Variants in NOS1 observed in about 807,000 individuals in gnomAD.
The protein encoded by NOS1 is NOS type I.
A neutral mutation model predicts 164.5 loss-of-function variants in NOS1; 51 were observed. That is an observed-to-expected ratio of 0.31 (90% CI 0.25 to 0.39). The LOEUF (loss-of-function observed/expected upper bound fraction) is 0.39. NOS1 is among the 10% of genes least tolerant of loss of function. The probability of loss-of-function intolerance (pLI) is 1.00; values close to 1 mark genes in which losing one functional copy is unlikely to be tolerated. For synonymous variants in NOS1, 719 were observed against 745.8 expected, an observed-to-expected ratio of 0.96 and a Z score of 0.59; for missense variants, 1,362 against 1,885.6, an observed-to-expected ratio of 0.72 and a Z score of 5.14.
At chr12:117,237,076 G>A (rs1165496391) in intron 20 of NOS1, among the ~76,000 whole-genome samples, 3 of 152,234 alleles carry the variant, frequency 2.0e-5, no homozygotes, top group Admixed American at 6.5e-5. Flanking sequence ...CCCTCTGGGC[G>A]ATAGCACTGG....
At chr12:117,300,379 G>C (rs1377207579) in intron 3 of NOS1, among the ~76,000 whole-genome samples, 2 of 152,176 alleles carry the variant, frequency 1.3e-5, no homozygotes, top group African/African-American at 2.4e-5. Context: ...CAAACAGTTA[G>C]CAAAATATGT....
At chr12:117,338,140 C>T (rs1875925454) in intron 1 of NOS1, among the ~76,000 whole-genome samples, 1 of 152,084 alleles carries the variant, frequency 6.6e-6, no homozygotes, top group African/African-American at 2.4e-5. Context: ...TGACTTGAAC[C>T]TGGGAGGCGG....
intron 2 of NOS1, among the ~76,000 whole-genome samples, chr12:117,320,377 C>A (rs1184140676): frequency 6.6e-6 from 1 of 152,000 alleles, no homozygotes; most frequent in East Asian, 1.9e-4. Flanking sequence ...ATGCTCTGCT[C>A]CTGGCTTTGA....
chr12:117,252,066 C>T (rs957605347), intron 17 of NOS1, among the ~76,000 whole-genome samples: 1 of 152,148 alleles, frequency 6.6e-6, no homozygotes, highest in African/African-American at 2.4e-5. Flanking sequence ...GGTCAGACAG[C>T]AAATATTTTT....
chr12:117,307,624 C>T (rs1242263836), intron 3 of NOS1, among the ~76,000 whole-genome samples: 1 of 152,108 alleles, frequency 6.6e-6, no homozygotes, highest in Non-Finnish European at 1.5e-5. Flanking sequence ...GCCTTGGCTT[C>T]CTAGAGTGCT....
intron 2 of NOS1, among the ~76,000 whole-genome samples, chr12:117,327,804 G>A (rs1011434984): frequency 1.3e-5 from 2 of 152,170 alleles, no homozygotes; most frequent in Non-Finnish European, 2.9e-5. Flanking sequence ...AAAGGAGTAG[G>A]TTGGAGGGAA....
chr12:117,218,291 G>A, intron 27 of NOS1, 127 bp from the exon 28 acceptor site: 1 of 744,246 alleles, frequency 1.3e-6, no homozygotes, highest in African/African-American at 1.7e-5. Context: ...AGATGAGGCT[G>A]AAGCCAGTGT....
chr12:117,319,007 T>C (rs964935005), intron 2 of NOS1, among the ~76,000 whole-genome samples: 1 of 152,182 alleles, frequency 6.6e-6, no homozygotes, highest in African/African-American at 2.4e-5. Context: ...TTCTTCTAGA[T>C]TTCATCATGC....
At chr12:117,251,891 C>G (rs1299487538) in intron 17 of NOS1, among the ~76,000 whole-genome samples, 1 of 151,234 alleles carries the variant, frequency 6.6e-6, no homozygotes, top group Non-Finnish European at 1.5e-5. Flanking sequence ...GCCACCATGC[C>G]CAGCTAAGTT....
intron 16 of NOS1, among the ~76,000 whole-genome samples, chr12:117,257,212 T>C (rs1372934596): frequency 6.6e-6 from 1 of 151,718 alleles, no homozygotes; most frequent in Admixed American, 6.6e-5. Context: ...GCCTCTGGAG[T>C]AGCTGGGACT....
chr12:117,314,455 T>C (rs918918229), intron 2 of NOS1, among the ~76,000 whole-genome samples: 1 of 152,176 alleles, frequency 6.6e-6, no homozygotes, highest in African/African-American at 2.4e-5. Flanking sequence ...ACAGAAGTTA[T>C]TTCATTTAAT....
intron 17 of NOS1, among the ~76,000 whole-genome samples, chr12:117,250,829 G>A (rs910079197): frequency 6.6e-6 from 1 of 152,186 alleles, no homozygotes; most frequent in Non-Finnish European, 1.5e-5. Flanking sequence ...CACTAGTCAT[G>A]CCTTCTGGTT....
chr12:117,332,434 T>C (rs56203532), intron 1 of NOS1, among the ~76,000 whole-genome samples: 1 of 152,216 alleles, frequency 6.6e-6, no homozygotes, highest in Non-Finnish European at 1.5e-5. Context: ...CTCTTTCAAA[T>C]TTATATTATA....
At chr12:117,224,487 G>A (rs564127794) in intron 25 of NOS1, among the ~76,000 whole-genome samples, 9 of 152,130 alleles carry the variant, frequency 5.9e-5, no homozygotes, top group South Asian at 2.1e-4. Flanking sequence ...GGGTTTCACC[G>A]TGCTAGCCAG....
At chr12:117,341,106 T>A (rs183053719) in intron 1 of NOS1, among the ~76,000 whole-genome samples, 3 of 152,260 alleles carry the variant, frequency 2.0e-5, no homozygotes, top group Admixed American at 6.5e-5. Context: ...ACCACCACTA[T>A]TACTAATTAT....
At chr12:117,227,206 C>T (rs1035451109) in intron 23 of NOS1, among the ~76,000 whole-genome samples, 10 of 152,086 alleles carry the variant, frequency 6.6e-5, no homozygotes, top group African/African-American at 1.9e-4. Context: ...TATTAGGGGG[C>T]GCCACTGTAA....
intron 3 of NOS1, among the ~76,000 whole-genome samples, chr12:117,292,960 A>G (rs993382230): frequency 2.6e-5 from 4 of 152,142 alleles, no homozygotes; most frequent in African/African-American, 9.7e-5. Context: ...GTGGGAGCAC[A>G]TAGAAGACAC....
intron 11 of NOS1, among the ~76,000 whole-genome samples, chr12:117,266,068 G>A (rs558387432): frequency 6.6e-6 from 1 of 151,928 alleles, no homozygotes; most frequent in Admixed American, 6.6e-5. Context: ...CAAAGTGCTG[G>A]GATTACAGGT....
At chr12:117,276,033 T>A (rs1330555152) in intron 9 of NOS1, among the ~76,000 whole-genome samples, 5 of 152,178 alleles carry the variant, frequency 3.3e-5, no homozygotes, top group African/African-American at 7.2e-5. Flanking sequence ...TAGAGTTTTT[T>A]AATTATTATC....
Sources: gnomAD v4.1 joint callset for allele counts (sites outside exome capture counted in the v4.1 genomes callset) on GRCh38, gnomAD v4.1.1 for gene constraint, MANE v1.5 for transcripts, NCBI Gene and HGNC (gene_info 2026-07-23, HGNC 2026-07-21) for gene names.